Variants in SLC1A5 observed in about 807,000 individuals in gnomAD.
SLC1A5 encodes the protein solute carrier family 1 member 5.
In SLC1A5, 25 loss-of-function variants were observed where a neutral mutation model predicts 34.9. The ratio of observed to expected loss-of-function variants is 0.72; its 90% CI spans 0.52 to 1.00. SLC1A5 has a LOEUF of 1.00. Ranked by LOEUF, SLC1A5 falls within the 50% of genes least tolerant of loss-of-function variation. SLC1A5 has a pLI of 0.00. For missense variants in SLC1A5, 637 were observed against 740.0 expected (o/e 0.86, Z 1.61); for synonymous variants, 351 against 341.2 (o/e 1.03, Z -0.32).
Position 46,787,246 on chromosome 19 carries a change from A to T in SLC1A5, c.566+154T>A. On this transcript the variant is annotated intron_variant, in intron 1 of 7. Transcript: ENST00000542575. The surrounding 1 kb of genome is among the most constrained non-coding windows in gnomAD (Gnocchi z 5.2). ...CCAGGAGACTAGACTCACACTCCCGAGGGCTGGAGCCTCCCCTCAATATCC... is the reference window on the plus strand; with the variant it reads ...CCAGGAGACTAGACTCACACTCCCGTGGGCTGGAGCCTCCCCTCAATATCC... 1 of 1,442,488 alleles carries T rather than the reference A, an allele frequency of 6.9e-7. No homozygotes were observed. Among genetic ancestry groups the T allele is most frequent in the Non-Finnish European group, 9.1e-7 (1 of 1,098,690 alleles). 89.4% of individuals were successfully genotyped at this position (1,442,488 alleles called of 1,614,324 possible).
In SLC1A5 at chr19:46,775,504, C is replaced by T. The variant is rs749445334; in HGVS notation, c.*6G>A. ...CCAGCAGGGCAGGGAAGGTCCCTCC[C>T]GGGGTTTACATGACTGATTCCTTCT... On this transcript the variant is annotated 3_prime_UTR_variant, in exon 8 of 8. Coordinates refer to ENST00000542575, the MANE Select transcript of SLC1A5 (RefSeq NM_005628.3). The T allele has an allele frequency of 3.2e-5, 51 of 1,600,850 alleles. No individual in the cohort carries two copies. Among genetic ancestry groups the T allele is most frequent in the African/African-American group, 1.1e-4 (8 of 74,692 alleles).
At position 46,775,285 on chromosome 19, in the gene SLC1A5, G is replaced by T; in HGVS notation, c.*225C>A. ...TCTTGCTGTTTTCTAGCCTTGAGTT[G>T]GGGACATGAGTGAGAACTGGGGGTT... On this transcript the variant is annotated 3_prime_UTR_variant, in exon 8 of 8. Transcript: ENST00000542575. 1 of 1,296,332 alleles carries T rather than the reference G, an allele frequency of 7.7e-7. No homozygotes were observed. The highest frequency in any genetic ancestry group is 9.8e-7 in the Non-Finnish European group (1 of 1,020,324). The allele number at this position is 1,296,332 out of a possible 1,614,324, so 80.3% of individuals were successfully genotyped here.
intron 3 of SLC1A5, among the ~76,000 whole-genome samples, chr19:46,783,431 A>G (rs2055162594): frequency 6.7e-6 from 1 of 148,446 alleles, no homozygotes; most frequent in Admixed American, 6.9e-5. Flanking sequence ...ACGCCATTGC[A>G]TTCCAGCCTG....
At chr19:46,784,660 T>G (rs771453030) in intron 1 of SLC1A5, 101 bp from the exon 2 acceptor site, 23 of 1,606,134 alleles carry the variant, frequency 1.4e-5, no homozygotes, top group Admixed American at 1.0e-4. Context: ...GTGGAAGCTT[T>G]GGGGGCCCGC....
intron 4 of SLC1A5, 29 bp downstream of exon 4, chr19:46,782,354 C>CCCCCCCCGCCCCCCCT: frequency 1.2e-6 from 1 of 827,482 alleles, no homozygotes; most frequent in Non-Finnish European, 1.9e-6. Flanking sequence ...CAACCCCACC[C>CCCCCCCCGCCCCCCCT]ACCCCCAGCC....
rs897223044 is a variant in SLC1A5, at chr19:46,775,121, C to G, written c.*389G>C. 9.7e-6 allele frequency: 10 copies of G among 1,033,126 alleles called. No individual in the cohort carries two copies. The highest frequency in any genetic ancestry group is 1.2e-5 in the Non-Finnish European group (10 of 859,892). The allele number at this position is 1,033,126 out of a possible 1,614,324, so 64.0% of individuals were successfully genotyped here. A position where few individuals can be genotyped will look rare whatever the true frequency, so the allele number is the denominator to read the frequency against. On this transcript the variant is annotated 3_prime_UTR_variant, in exon 8 of 8. Coordinates refer to ENST00000542575, the MANE Select transcript of SLC1A5 (RefSeq NM_005628.3). ...CACACACATCCCCCCACAACTACAG[C>G]CGCCAAAATAACCAGCATGGTGTTG...
At chr19:46,782,346 A>ACCCCCCCCACCCCCCACCCCCCCCCC in intron 4 of SLC1A5, 37 bp downstream of exon 4, 1 of 567,986 alleles carries the variant, frequency 1.8e-6, no homozygotes, top group Non-Finnish European at 3.2e-6. Context: ...CGACCCTCCA[A>ACCCCCCCCACCCCCCACCCCCCCCCC]CCCCACCCAC....
Position 46,777,002 on chromosome 19 carries a change from G to C in SLC1A5, c.1361C>G (p.Ser454Cys), listed in dbSNP as rs778154416. Residue 454 changes from serine to cysteine, a missense_variant, in exon 7 of 8, where the codon TCC (serine) becomes TGC (cysteine). By Grantham distance (112) the Ser-to-Cys change is moderately radical. Transcript: ENST00000542575. ...TAGCCAGTCCACAGCCAGGATCAAG[G>C]AGATATGGTCGACCGGGAGGTTGAC... ...EAVNLPVDHI[S>C]LILAVDWLVD... 9 of 1,613,962 alleles carry C rather than the reference G, an allele frequency of 5.6e-6. No individual in the cohort carries two copies. In the South Asian group the frequency reaches 8.8e-5, roughly 16 times the overall value.
Position 46,787,290 on chromosome 19 carries a change from C to A in SLC1A5, c.566+110G>T. On this transcript the variant is annotated intron_variant, in intron 1 of 7. Coordinates refer to ENST00000542575, the MANE Select transcript of SLC1A5 (RefSeq NM_005628.3). The surrounding 1 kb of genome is among the most constrained non-coding windows in gnomAD (Gnocchi z 5.2). The stretch of plus-strand genomic sequence containing the variant: ...AATATCCTGTCGAGTTTTCCTAAGA[C>A]TCTAGAGGGAAGTCTCTGCTCCAGG... 6.7e-7 allele frequency: 1 copy of A among 1,496,138 alleles called. No homozygotes were observed. The allele number at this position is 1,496,138 out of a possible 1,614,324, so 92.7% of individuals were successfully genotyped here. A position where few individuals can be genotyped will look rare whatever the true frequency, so the allele number is the denominator to read the frequency against.
chr19:46,777,494 AC>A, intron 5 of SLC1A5, 89 bp from the exon 6 acceptor site: 1 of 1,272,282 alleles, frequency 7.9e-7, no homozygotes, highest in Non-Finnish European at 1.1e-6. Context: ...GGCCTCGCCT[AC>A]CCCACCCCAA....
Position 46,784,528 on chromosome 19 carries a change from C to T in SLC1A5, c.598G>A (p.Ala200Thr). ...CCCTGAGGACTCACTGAGCGAAAGG[C>T]TGCTGACACCAGGTTGGAAGGGAAG... is the stretch of plus-strand genomic sequence containing the variant. ...NIFPSNLVSAAFRSYSTTYEE... is the reference protein window; with the variant it reads ...NIFPSNLVSATFRSYSTTYEE... The change falls in exon 2 of 8, where the codon GCC (alanine) becomes ACC (threonine). Residue 200 changes from alanine to threonine, a missense_variant. Ala to Thr is a moderately conservative substitution (Grantham distance 58). Coordinates refer to ENST00000542575, the MANE Select transcript of SLC1A5 (RefSeq NM_005628.3). The T allele has an allele frequency of 6.2e-7, 1 of 1,614,130 alleles. No individual in the cohort carries two copies. The highest frequency in any genetic ancestry group is 8.5e-7 in the Non-Finnish European group (1 of 1,180,026).
rs2055200191 is a variant in SLC1A5 at position 46,788,163 on chromosome 19, G to T, written c.-198C>A. On this transcript the variant is annotated 5_prime_UTR_variant, in exon 1 of 8. Transcript: ENST00000542575. The stretch of plus-strand genomic sequence containing the variant: ...AAGCTGGAGTGTTTAAATTCCCCAG[G>T]CTGGGCGCTGAGGCTTCTCTGCTCT... 1 of 567,796 alleles carries T rather than the reference G, an allele frequency of 1.8e-6. No individual in the cohort carries two copies. The highest frequency in any genetic ancestry group is 3.0e-6 in the Non-Finnish European group (1 of 330,390). The allele number at this position is 567,796 out of a possible 1,614,324, so 35.2% of individuals were successfully genotyped here.
intron 4 of SLC1A5, among the ~76,000 whole-genome samples, chr19:46,781,979 C>T (rs1029606804): frequency 2.6e-5 from 4 of 152,102 alleles, no homozygotes; most frequent in Admixed American, 6.6e-5. Flanking sequence ...CTGCAACTTC[C>T]GCCTCCCAGG....
At chr19:46,784,480 C>A (rs777771660) in intron 2 of SLC1A5, 37 bp downstream of exon 2, 1 of 1,613,062 alleles carries the variant, frequency 6.2e-7, no homozygotes. Flanking sequence ...CCCTCCCTGT[C>A]CACCCCCATC....
At chr19:46,780,424 G>T (rs1483047860) in intron 4 of SLC1A5, among the ~76,000 whole-genome samples, 1 of 151,750 alleles carries the variant, frequency 6.6e-6, no homozygotes, top group African/African-American at 2.4e-5. Flanking sequence ...TGCAATCTTG[G>T]CTCACTACAA....
In SLC1A5 at chr19:46,775,201, C is replaced by A. The variant is rs2055074958; in HGVS notation, c.*309G>T. The A allele has an allele frequency of 2.4e-5, 26 of 1,101,222 alleles. No homozygotes were observed. In the South Asian group the frequency reaches 6.5e-4, roughly 27 times the overall value. 68.2% of individuals were successfully genotyped at this position (1,101,222 alleles called of 1,614,324 possible). A position where few individuals can be genotyped will look rare whatever the true frequency, so the allele number is the denominator to read the frequency against. ...CCCATGGTGACCTGTGACCTGCTCC[C>A]TGAGACAGGGGAGGCCAGGCAGGTC... On this transcript the variant is annotated 3_prime_UTR_variant, in exon 8 of 8. Transcript: ENST00000542575.
chr19:46,778,695 A>C lies in SLC1A5; in HGVS notation c.1038T>G (p.Thr346=). 5 of 1,426,998 alleles carry C rather than the reference A, an allele frequency of 3.5e-6. No individual in the cohort carries two copies. The highest frequency in any genetic ancestry group is 4.7e-6 in the Non-Finnish European group (5 of 1,062,136). 88.4% of individuals were successfully genotyped at this position (1,426,998 alleles called of 1,614,324 possible). ...FLWGIVTPLA[T]AFGTSSSSAT... Reference sequence around the variant, plus strand: ...CGTACCTGGAAGAGGTCCCAAAGGCAGTGGCCAGCGGCGTCACGATGCCCC... The same window carrying C: ...CGTACCTGGAAGAGGTCCCAAAGGCCGTGGCCAGCGGCGTCACGATGCCCC... Residue 346 remains threonine (T), a synonymous_variant, in exon 5 of 8, where the codon ACT becomes ACG. Transcript: ENST00000542575.
chr19:46,788,062 C>A lies in SLC1A5; in HGVS notation c.-97G>T, dbSNP rs947778232. On this transcript the variant is annotated 5_prime_UTR_variant, in exon 1 of 8. Coordinates refer to ENST00000542575, the MANE Select transcript of SLC1A5 (RefSeq NM_005628.3). ...ACGTTCCTAGGACTGAGTTGAGTAA[C>A]AGCACCTGGAGACTGGAACTTTGGA... The A allele has an allele frequency of 1.0e-5, 12 of 1,168,932 alleles. No individual in the cohort carries two copies. In the Admixed American group the frequency reaches 2.6e-4, roughly 26 times the overall value. The allele number at this position is 1,168,932 out of a possible 1,614,324, so 72.4% of individuals were successfully genotyped here. A position where few individuals can be genotyped will look rare whatever the true frequency, so the allele number is the denominator to read the frequency against.
intron 4 of SLC1A5, 51 bp downstream of exon 4, chr19:46,782,332 A>C (rs1644343): frequency 0.094 from 103,414 of 1,104,948 alleles, 12,258 homozygotes; most frequent in East Asian, 0.19. Flanking sequence ...CTCTGGCAGC[A>C]GACCGACCCT....
Sources: gnomAD v4.1 joint callset for allele counts (sites outside exome capture counted in the v4.1 genomes callset) on GRCh38, gnomAD v4.1.1 for gene constraint, Gnocchi (gnomAD v3.1) non-coding constraint, MANE v1.5 for transcripts, NCBI Gene and HGNC (gene_info 2026-07-23, HGNC 2026-07-21) for gene names.